The following LRMDA variants were observed in gnomAD, a reference collection of about 807,000 sequenced individuals.
LRMDA encodes leucine rich melanocyte differentiation associated, also known as leucine-rich melanocyte differentiation-associated protein.
Under a neutral mutation model 29.8 loss-of-function variants are expected in LRMDA, and 18 were observed. The observed-to-expected ratio is 0.60, with a 90% CI of 0.42 to 0.90. The LOEUF (loss-of-function observed/expected upper bound fraction) is 0.90. Ranked by LOEUF, LRMDA falls within the 40% of genes least tolerant of loss-of-function variation. The pLI, the probability that LRMDA is intolerant of heterozygous loss-of-function variation, is 0.00. For missense variants in LRMDA, 273 were observed against 273.9 expected, an observed-to-expected ratio of 1.00 and a Z score of 0.02; for synonymous variants, 125 against 109.4, an observed-to-expected ratio of 1.14 and a Z score of -0.89.
intron 2 of LRMDA, among the ~76,000 whole-genome samples, chr10:75,692,320 C>CATATGTAT (rs1842175695): frequency 7.1e-6 from 1 of 140,428 alleles, no homozygotes; most frequent in Non-Finnish European, 1.5e-5. Flanking sequence ...TACATATATA[C>CATATGTAT]ATATGTATAT....
At chr10:75,655,768 C>T (rs1050381164) in intron 2 of LRMDA, among the ~76,000 whole-genome samples, 4 of 152,160 alleles carry the variant, frequency 2.6e-5, no homozygotes, top group African/African-American at 9.7e-5. Flanking sequence ...AAGGTTTGGG[C>T]CTCGCGGTGT....
chr10:75,724,740 A>C (rs1029796306), intron 2 of LRMDA, among the ~76,000 whole-genome samples: 15 of 152,278 alleles, frequency 9.9e-5, no homozygotes, highest in Middle Eastern at 3.4e-3. Context: ...CCACTGTAAA[A>C]ACAATTATAT....
chr10:75,474,192 T>C (rs771311718), intron 2 of LRMDA, among the ~76,000 whole-genome samples: 1 of 152,246 alleles, frequency 6.6e-6, no homozygotes, highest in Non-Finnish European at 1.5e-5. Context: ...AATGCAGGAA[T>C]ACCTGGTATC....
intron 2 of LRMDA, among the ~76,000 whole-genome samples, chr10:75,791,554 A>G (rs1843565347): frequency 6.6e-6 from 1 of 152,236 alleles, no homozygotes. Flanking sequence ...AACTTTTAGG[A>G]AAGCTTTGTG....
At chr10:76,463,934 T>TTTTTTTTTTTTTTTG in intron 6 of LRMDA, among the ~76,000 whole-genome samples, 1 of 149,676 alleles carries the variant, frequency 6.7e-6, no homozygotes, top group East Asian at 2.0e-4. Flanking sequence ...TTTTTTTTTT[T>TTTTTTTTTTTTTTTG]GTGAGATGGA....
At chr10:75,474,701 T>C (rs77110479) in intron 2 of LRMDA, among the ~76,000 whole-genome samples, 6,269 of 152,324 alleles carry the variant, frequency 0.041, 179 homozygotes, top group Non-Finnish European at 0.06. Flanking sequence ...GGATGTATCC[T>C]GAACCCCTCA....
chr10:76,060,010 G>A (rs1456937886), intron 5 of LRMDA, among the ~76,000 whole-genome samples: 2 of 152,150 alleles, frequency 1.3e-5, no homozygotes, highest in Non-Finnish European at 2.9e-5. Context: ...TTGATGTATT[G>A]CACACAACTG....
intron 6 of LRMDA, among the ~76,000 whole-genome samples, chr10:76,452,519 A>G (rs927188029): frequency 7.2e-5 from 11 of 152,160 alleles, no homozygotes; most frequent in Non-Finnish European, 4.4e-5. Flanking sequence ...TCCATCAGGT[A>G]AAGATGAGAA....
At chr10:76,195,156 C>T (rs1341438362) in intron 5 of LRMDA, among the ~76,000 whole-genome samples, 2 of 152,092 alleles carry the variant, frequency 1.3e-5, no homozygotes, top group Non-Finnish European at 2.9e-5. Context: ...CAAAAGGTGC[C>T]CCCTACTAAT....
chr10:76,462,915 A>G (rs750915341), intron 6 of LRMDA, among the ~76,000 whole-genome samples: 2 of 152,198 alleles, frequency 1.3e-5, no homozygotes, highest in East Asian at 1.9e-4. Flanking sequence ...GCTGTGCTCA[A>G]TAACCTTACA....
chr10:76,302,538 T>G (rs1840494131), intron 5 of LRMDA, among the ~76,000 whole-genome samples: 1 of 151,630 alleles, frequency 6.6e-6, no homozygotes, highest in African/African-American at 2.4e-5. Flanking sequence ...TTTTGGGGGG[T>G]GGTGGTGGGG....
intron 2 of LRMDA, among the ~76,000 whole-genome samples, chr10:75,580,382 C>T (rs1362061317): frequency 3.3e-5 from 5 of 150,982 alleles, no homozygotes; most frequent in East Asian, 1.9e-4. Context: ...AGGACCTCTT[C>T]GAGAACTACA....
intron 4 of LRMDA, among the ~76,000 whole-genome samples, chr10:76,051,018 A>C (rs1268429497): frequency 6.6e-6 from 1 of 152,134 alleles, no homozygotes. Context: ...TATTCCTTAC[A>C]ACTTTCAATT....
At chr10:75,818,604 C>G (rs1483839764) in intron 2 of LRMDA, among the ~76,000 whole-genome samples, 1 of 152,244 alleles carries the variant, frequency 6.6e-6, no homozygotes, top group Non-Finnish European at 1.5e-5. Context: ...CCTTCAACAT[C>G]CCTGCCCAGT....
At chr10:75,549,733 A>T (rs560821894) in intron 2 of LRMDA, among the ~76,000 whole-genome samples, 1 of 152,290 alleles carries the variant, frequency 6.6e-6, no homozygotes, top group Admixed American at 6.5e-5. Flanking sequence ...AACCACCATC[A>T]TCATAATCAA....
chr10:75,471,396 T>A (rs565340613), intron 2 of LRMDA, among the ~76,000 whole-genome samples: 9 of 152,106 alleles, frequency 5.9e-5, no homozygotes, highest in Non-Finnish European at 1.2e-4. Flanking sequence ...GAACTTCAGC[T>A]TCAAACCAGG....
At chr10:76,100,249 T>A (rs1382463134) in intron 5 of LRMDA, among the ~76,000 whole-genome samples, 1 of 152,106 alleles carries the variant, frequency 6.6e-6, no homozygotes, top group African/African-American at 2.4e-5. Context: ...TCTTGTCACA[T>A]GATCAGGAAA....
At chr10:75,807,306 A>G (rs949786291) in intron 2 of LRMDA, among the ~76,000 whole-genome samples, 3 of 152,144 alleles carry the variant, frequency 2.0e-5, no homozygotes, top group African/African-American at 7.2e-5. Context: ...GAGCCCTTCC[A>G]TGGAGCACAG....
intron 2 of LRMDA, among the ~76,000 whole-genome samples, chr10:75,480,632 GCATCTGGAC>G (rs1469105273): frequency 4.6e-5 from 7 of 152,210 alleles, no homozygotes; most frequent in African/African-American, 1.7e-4. Context: ...ATTTGTTAAG[GCATCTGGAC>G]TTTATTCATA....
Sources: gnomAD v4.1 joint callset for allele counts (sites outside exome capture counted in the v4.1 genomes callset) on GRCh38, gnomAD v4.1.1 for gene constraint, MANE v1.5 for transcripts, NCBI Gene and HGNC (gene_info 2026-07-23, HGNC 2026-07-21) for gene names.